The following SLC38A8 variants were observed in gnomAD, a reference collection of about 807,000 sequenced individuals.
SLC38A8 encodes solute carrier family 38 member 8.
SLC38A8 carries 65 observed loss-of-function variants against 46.0 expected under a neutral mutation model. The observed-to-expected ratio is 1.41, with a 90% CI of 1.16 to 1.74. SLC38A8 has a LOEUF of 1.74. Among genes scored for constraint, SLC38A8 ranks in the 40% most tolerant of loss-of-function variants. The pLI is 0.00. For synonymous variants in SLC38A8, 447 were observed against 243.7 expected, an observed-to-expected ratio of 1.83 and a Z score of -7.77; for missense variants, 998 against 567.9, an observed-to-expected ratio of 1.76 and a Z score of -7.70.
intron 6 of SLC38A8, among the ~76,000 whole-genome samples, chr16:84,029,045 C>A (rs142447499): frequency 6.6e-5 from 10 of 152,166 alleles, no homozygotes; most frequent in Non-Finnish European, 1.5e-4. Context: ...CTACCCTGTA[C>A]CCCTCAGGAG....
At chr16:84,040,337 C>G (rs2085353784) in intron 2 of SLC38A8, among the ~76,000 whole-genome samples, 1 of 152,214 alleles carries the variant, frequency 6.6e-6, no homozygotes, top group African/African-American at 2.4e-5. Flanking sequence ...CCCTTCTCCT[C>G]AAGTCTGCTG....
chr16:84,016,971 G>T (rs921218898), intron 8 of SLC38A8, among the ~76,000 whole-genome samples, 169 bp downstream of exon 8: 4 of 152,140 alleles, frequency 2.6e-5, no homozygotes, highest in South Asian at 2.1e-4. Flanking sequence ...ACACACTCAC[G>T]GAGTGACTTT....
At position 84,036,119 on chromosome 16, in the gene SLC38A8, G is replaced by A. The variant is rs117736488; in HGVS notation, c.388+583C>T. ...CATGATGCAAATTAAGGTCGAAACC[G>A]TGAAGGAATCTAAAAAACTCCTCAA... On this transcript the variant is annotated intron_variant, in intron 3 of 10. Transcript: ENST00000299709. 4.1e-4 allele frequency among the ~76,000 whole-genome samples: 62 copies of A among 152,266 alleles called. No individual in the cohort carries two copies. The East Asian group carries it at 8.3e-3, about 20-fold the overall frequency.
In SLC38A8 at chr16:84,033,389, A is replaced by C; in HGVS notation, c.469T>G (p.Ser157Ala). 6.2e-7 allele frequency: 1 copy of C among 1,613,952 alleles called. No individual in the cohort carries two copies. Among genetic ancestry groups the C allele is most frequent in the Admixed American group, 1.7e-5 (1 of 60,000 alleles). Residue 157 changes from serine to alanine, a missense_variant, in exon 4 of 11, where the codon TCC becomes GCC. Ser to Ala is a moderately conservative substitution (Grantham distance 99). Transcript: ENST00000299709. The stretch of plus-strand genomic sequence containing the variant: ...GACAGGGGCAGGATGACCAGCACGG[A>C]GAGCAGGGGCAGGGTGAAGCGCTGG... ...ADQRFTLPLL[S>A]VLVILPLSAP...
chr16:84,017,027 A>G (rs1454607619), intron 8 of SLC38A8, 113 bp downstream of exon 8: 8 of 1,407,818 alleles, frequency 5.7e-6, no homozygotes, highest in Admixed American at 2.4e-5. Context: ...CCTGTCTACA[A>G]TTGGAGAGGA....
rs776382531 is a variant in SLC38A8 at position 84,017,243 on chromosome 16, C to G, written c.850G>C (p.Val284Leu). ...LTFGTEVSAD[V>L]LMSYPGNDMV... ...TCATTGCCTGGGTAGGACATCAAGA[C>G]GTCAGCAGAAACTTCTGTCCCAAAA... Residue 284 changes from valine to leucine, a missense_variant, in exon 8 of 11, where the codon GTC (valine) becomes CTC (leucine). Transcript: ENST00000299709. 6.2e-7 allele frequency: 1 copy of G among 1,614,096 alleles called. No individual in the cohort carries two copies. Among genetic ancestry groups the G allele is most frequent in the Non-Finnish European group, 8.5e-7 (1 of 1,180,026 alleles).
chr16:84,042,297 C>A, intron 1 of SLC38A8, 138 bp from the exon 2 acceptor site: 2 of 911,042 alleles, frequency 2.2e-6, no homozygotes, highest in African/African-American at 3.4e-5. Flanking sequence ...GTCAGCTCCC[C>A]CTTTCCAAAG....
In SLC38A8 at chr16:84,022,810, G is replaced by A. The variant is rs779590493; in HGVS notation, c.770C>T (p.Ser257Phe). 1.2e-6 allele frequency: 2 copies of A among 1,614,048 alleles called. No individual in the cohort carries two copies. Among genetic ancestry groups the A allele is most frequent in the Non-Finnish European group, 1.7e-6 (2 of 1,179,972 alleles). Residue 257 changes from serine (S) to phenylalanine (F), a missense_variant, in exon 7 of 11, where the codon TCC becomes TTC. Ser to Phe is a radical substitution (Grantham distance 155). Coordinates refer to ENST00000299709, the MANE Select transcript of SLC38A8 (RefSeq NM_001080442.3). Reference protein sequence around the residue: ...LSHWALVSVLSLLACCLIYSL... With the variant: ...LSHWALVSVLFLLACCLIYSL... The stretch of plus-strand genomic sequence containing the variant: ...ATAGATGAGGCAGCAGGCCAGCAAG[G>A]ACAGCACAGACACCAGGGCCCAGTG...
In SLC38A8 at chr16:84,020,843, G is replaced by A. The variant is rs556169077; in HGVS notation, c.805+1932C>T. 6.6e-5 allele frequency among the ~76,000 whole-genome samples: 10 copies of A among 152,226 alleles called. 1 individual carries two copies. The highest frequency in any genetic ancestry group is 2.2e-4 in the African/African-American group (9 of 41,532). ...TAATCTCCTTAGCAAAAGGCCACAG[G>A]GCCACAACCTTGGTTTCCTATACGC... On this transcript the variant is annotated intron_variant, in intron 7 of 10. Coordinates refer to ENST00000299709, the MANE Select transcript of SLC38A8 (RefSeq NM_001080442.3).
intron 7 of SLC38A8, among the ~76,000 whole-genome samples, chr16:84,021,889 G>A (rs758257105): frequency 6.6e-6 from 1 of 152,370 alleles, no homozygotes; most frequent in East Asian, 1.9e-4. Flanking sequence ...CCCTGAAGTG[G>A]CGCGCAGAGT....
intron 6 of SLC38A8, among the ~76,000 whole-genome samples, 172 bp downstream of exon 6, chr16:84,029,322 T>C (rs2085208764): frequency 6.6e-6 from 1 of 152,160 alleles, no homozygotes; most frequent in Non-Finnish European, 1.5e-5. Flanking sequence ...CCCATCCTCA[T>C]GGTCTGGAAT....
At chr16:84,029,687 G>C (rs1245266583) in intron 5 of SLC38A8, 136 bp from the exon 6 acceptor site, 2 of 849,740 alleles carry the variant, frequency 2.4e-6, no homozygotes, top group Non-Finnish European at 3.7e-6. Context: ...TAATGACTGT[G>C]TCCGTGACCG....
In SLC38A8 at chr16:84,017,285, C is replaced by T. The variant is rs146485245; in HGVS notation, c.808G>A (p.Val270Ile). Residue 270 changes from valine (V) to isoleucine (I), a missense_variant and splice_region_variant, in exon 8 of 11, where the codon GTT becomes ATT. Coordinates refer to ENST00000299709, the MANE Select transcript of SLC38A8 (RefSeq NM_001080442.3). ...ACCLIYSLTG[V>I]YGFLTFGTEV... ...GTCCCAAAAGTCAGGAAGCCATAAA[C>T]CCCTGAAGGTGGGAAAGGATGGAAG... 2.0e-4 allele frequency: 318 copies of T among 1,613,974 alleles called. 5 individuals are homozygous for T. The South Asian group carries it at 2.8e-3, about 14-fold the overall frequency.
At chr16:84,036,555 A>AT in intron 3 of SLC38A8, 147 bp downstream of exon 3, 1 of 889,560 alleles carries the variant, frequency 1.1e-6, no homozygotes, top group Non-Finnish European at 1.7e-6. Context: ...TCCCTTCCCT[A>AT]CCATGTTAGG....
intron 7 of SLC38A8, among the ~76,000 whole-genome samples, chr16:84,019,201 A>T (rs766365490): frequency 1.3e-5 from 2 of 152,054 alleles, no homozygotes; most frequent in African/African-American, 2.4e-5. Flanking sequence ...CAGCCTCCTG[A>T]GTAGCCTGGA....
chr16:84,038,026 T>C (rs1335587114), intron 2 of SLC38A8, among the ~76,000 whole-genome samples: 1 of 151,904 alleles, frequency 6.6e-6, no homozygotes, highest in Non-Finnish European at 1.5e-5. Flanking sequence ...TAAAAAATTT[T>C]CAGGCCAGGT....
chr16:84,021,030 T>C lies in SLC38A8; in HGVS notation c.805+1745A>G, dbSNP rs1410141224. On this transcript the variant is annotated intron_variant, in intron 7 of 10. Coordinates refer to ENST00000299709, the MANE Select transcript of SLC38A8 (RefSeq NM_001080442.3). The stretch of plus-strand genomic sequence containing the variant: ...TCCTGAATGCTCTGCTCCTTGGATA[T>C]CTCTTCCGCCAGATACCCTAGTTCA... 4.6e-5 allele frequency among the ~76,000 whole-genome samples: 7 copies of C among 152,232 alleles called. No homozygotes were observed. The East Asian group carries it at 9.7e-4, about 21-fold the overall frequency.
chr16:84,017,685 G>C (rs78678194), intron 7 of SLC38A8, among the ~76,000 whole-genome samples: 1 of 152,170 alleles, frequency 6.6e-6, no homozygotes, highest in Non-Finnish European at 1.5e-5. Context: ...GGAAAACCAA[G>C]AGCCAGGGCA....
intron 4 of SLC38A8, among the ~76,000 whole-genome samples, chr16:84,033,004 G>C (rs903378051): frequency 1.4e-5 from 2 of 143,040 alleles, no homozygotes; most frequent in Non-Finnish European, 3.0e-5. Flanking sequence ...GCATGGGGGG[G>C]TGTGGGTAGG....
Sources: gnomAD v4.1 joint callset for allele counts (sites outside exome capture counted in the v4.1 genomes callset) on GRCh38, gnomAD v4.1.1 for gene constraint, MANE v1.5 for transcripts, NCBI Gene and HGNC (gene_info 2026-07-23, HGNC 2026-07-21) for gene names.